Variants in PCDHA5 observed in about 807,000 individuals in gnomAD.
The protein encoded by PCDHA5 is protocadherin alpha 5, also known as protocadherin alpha-5.
PCDHA5 carries 43 observed loss-of-function variants against 61.6 expected under a neutral mutation model. That is an observed-to-expected ratio of 0.70 (90% confidence interval 0.55 to 0.90). PCDHA5 has a LOEUF of 0.90. Ranked by LOEUF, PCDHA5 falls within the 40% of genes least tolerant of loss-of-function variation. The pLI is 0.00. For synonymous variants in PCDHA5, 627 were observed against 543.9 expected, an observed-to-expected ratio of 1.15 and a Z score of -2.13; for missense variants, 1,298 against 1,222.7, an observed-to-expected ratio of 1.06 and a Z score of -0.92.
At chr5:140,968,210 A>T (rs376166734) in intron 1 of PCDHA5, 4 of 1,613,882 alleles carry the variant, frequency 2.5e-6, no homozygotes, top group Non-Finnish European at 3.4e-6. Flanking sequence ...ACAGGAGAAC[A>T]ATTTGCCAGG....
At chr5:140,947,811 A>G (rs1554218329) in intron 1 of PCDHA5, among the ~76,000 whole-genome samples, 1 of 151,582 alleles carries the variant, frequency 6.6e-6, no homozygotes, top group Admixed American at 6.6e-5. Flanking sequence ...TGCAGAGACT[A>G]TTTCTTCCTT....
At chr5:140,870,944 C>G in intron 1 of PCDHA5, 1 of 1,613,658 alleles carries the variant, frequency 6.2e-7, no homozygotes, top group Middle Eastern at 1.7e-4. Context: ...CAGCCGGCGG[C>G]GGGCGGCTCG....
chr5:140,861,466 T>C (rs533343348), intron 1 of PCDHA5: 34 of 493,930 alleles, frequency 6.9e-5, no homozygotes, highest in African/African-American at 6.7e-4. Context: ...GAGGTAAATC[T>C]GCAGAATGGC....
chr5:140,854,011 A>T (rs1218448806), intron 1 of PCDHA5: 1 of 394,286 alleles, frequency 2.5e-6, no homozygotes, highest in Non-Finnish European at 3.6e-6. Context: ...AAAAAAAAAA[A>T]ATTAGCCGGG....
At position 140,859,135 on chromosome 5, in the gene PCDHA5, A is replaced by G. The variant is rs571097776; in HGVS notation, c.2352+35008A>G. On this transcript the variant is annotated intron_variant, in intron 1 of 3. Coordinates refer to ENST00000529859, the MANE Select transcript of PCDHA5 (RefSeq NM_018908.3). Reference sequence around the variant, plus strand: ...AAATGTATGTTTCTTTTATTTACATAATTTTATCCAGTAGCTCTTCATTAT... The same window carrying G: ...AAATGTATGTTTCTTTTATTTACATGATTTTATCCAGTAGCTCTTCATTAT... The G allele has an allele frequency of 4.0e-5, 6 of 150,216 alleles. No homozygotes were observed. In the East Asian group the frequency reaches 1.2e-3, roughly 29 times the overall value. 9.3% of individuals were successfully genotyped at this position (150,216 alleles called of 1,614,324 possible). A position where few individuals can be genotyped will look rare whatever the true frequency, so the allele number is the denominator to read the frequency against.
intron 1 of PCDHA5, chr5:140,966,542 G>A (rs926112867): frequency 3.7e-5 from 17 of 464,420 alleles, no homozygotes; most frequent in African/African-American, 1.8e-4. Flanking sequence ...GAGCGACTCG[G>A]AGGCGAGCGG....
At chr5:140,967,947 C>A in intron 1 of PCDHA5, 1 of 1,614,222 alleles carries the variant, frequency 6.2e-7, no homozygotes, top group Non-Finnish European at 8.5e-7. Flanking sequence ...GACCAAGACT[C>A]AGGCCCCAAC....
At chr5:140,877,317 G>T (rs535177109) in intron 1 of PCDHA5, 2 of 1,614,004 alleles carry the variant, frequency 1.2e-6, no homozygotes, top group South Asian at 1.1e-5. Context: ...AACCGGCGGC[G>T]GTCGGCGCGC....
intron 1 of PCDHA5, among the ~76,000 whole-genome samples, chr5:140,879,326 T>C (rs1554170752): frequency 6.6e-6 from 1 of 152,232 alleles, no homozygotes. Flanking sequence ...CTCACTTTTT[T>C]AGTTTGTTCA....
intron 3 of PCDHA5, among the ~76,000 whole-genome samples, chr5:140,990,589 C>G (rs1208213426): frequency 6.6e-6 from 1 of 152,196 alleles, no homozygotes; most frequent in African/African-American, 2.4e-5. Flanking sequence ...TTCCTATAAT[C>G]ACCTGGAGTC....
At chr5:140,843,240 C>T (rs2150355693) in intron 1 of PCDHA5, 1 of 1,595,944 alleles carries the variant, frequency 6.3e-7, no homozygotes, top group Non-Finnish European at 8.6e-7. Context: ...CTGGACGAAG[C>T]GGACTCTCCG....
rs2098421094 is a variant in PCDHA5 at position 141,011,574 on chromosome 5, TAAATC to T, written c.*1640_*1644del. ...GAAAGACACAGTAAAATTTCTTTCT[TAAATC>T]AAGATACTGGTGATTCAAGGAATTT... On this transcript the variant is annotated 3_prime_UTR_variant, in exon 4 of 4. Transcript: ENST00000529859. 1.3e-5 allele frequency: 2 copies of T among 153,802 alleles called. No individual in the cohort carries two copies. 9.5% of individuals were successfully genotyped at this position (153,802 alleles called of 1,614,324 possible).
intron 3 of PCDHA5, chr5:140,988,770 G>A (rs1388594585): frequency 6.6e-6 from 1 of 152,168 alleles, no homozygotes; most frequent in African/African-American, 2.4e-5. Flanking sequence ...TACAGTCATG[G>A]TTAAGACCAT....
chr5:140,926,943 T>C (rs2083677139), intron 1 of PCDHA5: 1 of 1,587,096 alleles, frequency 6.3e-7, no homozygotes, highest in Non-Finnish European at 8.6e-7. Context: ...CCTGCGGCGC[T>C]GCAGCGGGAC....
intron 1 of PCDHA5, chr5:140,836,302 C>T (rs2150257183): frequency 1.7e-5 from 28 of 1,613,614 alleles, no homozygotes; most frequent in Non-Finnish European, 2.3e-5. Context: ...CTAGATGAGA[C>T]GGACGCACCG....
At position 140,852,833 on chromosome 5, in the gene PCDHA5, T is replaced by G. The variant is rs2150523071; in HGVS notation, c.2352+28706T>G. On this transcript the variant is annotated intron_variant, in intron 1 of 3. Coordinates refer to ENST00000529859, the MANE Select transcript of PCDHA5 (RefSeq NM_018908.3). ...CCCGCCCTAAGTCCTCCAGTCTCCT[T>G]AGAGCTAGTACTTACTAAGCATTTA... 7.2e-6 allele frequency: 7 copies of G among 971,734 alleles called. No individual in the cohort carries two copies. The African/African-American group carries it at 1.1e-4, about 15-fold the overall frequency. The allele number at this position is 971,734 out of a possible 1,614,324, so 60.2% of individuals were successfully genotyped here.
At chr5:140,870,135 T>C (rs781798788) in intron 1 of PCDHA5, 1 of 1,614,000 alleles carries the variant, frequency 6.2e-7, no homozygotes, top group Non-Finnish European at 8.5e-7. Context: ...ACACCAACGA[T>C]AACTCTCCTG....
At chr5:140,827,960 A>G (rs1769468579) in intron 1 of PCDHA5, 3 of 1,310,514 alleles carry the variant, frequency 2.3e-6, no homozygotes, top group Non-Finnish European at 3.1e-6. Context: ...AATTTCTTCT[A>G]TTACTGCATC....
At chr5:140,840,992 T>G (rs2150176652) in intron 1 of PCDHA5, among the ~76,000 whole-genome samples, 1 of 152,166 alleles carries the variant, frequency 6.6e-6, no homozygotes, top group African/African-American at 2.4e-5. Context: ...TAGCTGAAAC[T>G]AATGTAAGGA....
Sources: allele counts gnomAD v4.1 joint callset (sites outside exome capture counted in the v4.1 genomes callset), GRCh38; gene constraint gnomAD v4.1.1; transcripts MANE v1.5; gene names NCBI Gene and HGNC (gene_info 2026-07-23, HGNC 2026-07-21).